Variants in ADAMTS5 observed in about 807,000 individuals in gnomAD.
ADAMTS5 encodes the protein ADAM metallopeptidase with thrombospondin type 1 motif 5.
Under a neutral mutation model 81.4 loss-of-function variants are expected in ADAMTS5, and 54 were observed. The ratio of observed to expected loss-of-function variants is 0.66; its 90% confidence interval spans 0.53 to 0.83. The LOEUF is 0.83. Ranked by LOEUF, ADAMTS5 falls within the 40% of genes least tolerant of loss-of-function variation. The pLI is 0.00. For synonymous variants in ADAMTS5, 532 were observed against 508.8 expected (o/e 1.05, Z -0.61); for missense variants, 1,194 against 1,229.9 (o/e 0.97, Z 0.44).
At position 26,966,124 on chromosome 21, in the gene ADAMTS5, G is replaced by A. The variant is rs778906997; in HGVS notation, c.268C>T (p.Leu90Phe). 1.2e-6 allele frequency: 2 copies of A among 1,612,636 alleles called. No individual in the cohort carries two copies. Among genetic ancestry groups the A allele is most frequent in the South Asian group, 1.1e-5 (1 of 91,080 alleles). ...LYSGGGKVGYLVYAGGRRFLL... is the reference protein window; with the variant it reads ...LYSGGGKVGYFVYAGGRRFLL... Reference sequence around the variant, plus strand: ...AACCTCCGGCCGCCCGCGTAGACGAGGTAGCCCACCTTGCCGCCGCCGGAG... The same window carrying A: ...AACCTCCGGCCGCCCGCGTAGACGAAGTAGCCCACCTTGCCGCCGCCGGAG... Residue 90 changes from leucine to phenylalanine, a missense_variant, in exon 1 of 8, where the codon CTC becomes TTC. By Grantham distance (22) the Leu-to-Phe change is conservative (BLOSUM62 0). Transcript: ENST00000284987.
At chr21:26,933,934 C>T (rs969065568) in intron 4 of ADAMTS5, among the ~76,000 whole-genome samples, 1 of 152,150 alleles carries the variant, frequency 6.6e-6, no homozygotes, top group Non-Finnish European at 1.5e-5. Flanking sequence ...AGGGCAGTTG[C>T]TGACCTGAAG....
intron 7 of ADAMTS5, among the ~76,000 whole-genome samples, chr21:26,927,019 T>C (rs1199163269): frequency 6.6e-6 from 1 of 152,154 alleles, no homozygotes; most frequent in Non-Finnish European, 1.5e-5. Context: ...TAGTAAGAGA[T>C]GATTCTCTTG....
chr21:26,930,633 G>T (rs1252813229), intron 6 of ADAMTS5, among the ~76,000 whole-genome samples: 1 of 152,178 alleles, frequency 6.6e-6, no homozygotes, highest in African/African-American at 2.4e-5. Context: ...CTTACTGGAA[G>T]AGACTGAATA....
rs975157450 is a variant in ADAMTS5, at chr21:26,954,880, GAGAA to G, written c.1105-13_1105-10del. ...TGATGCCCACATAAATCCTGCCCAG[GAGAA>G]AGAAAGAAATCATTAAAATCAATTT... On this transcript the variant is annotated splice_polypyrimidine_tract_variant and intron_variant, in intron 1 of 7. Transcript: ENST00000284987. 1.9e-6 allele frequency: 3 copies of G among 1,612,980 alleles called. No individual in the cohort carries two copies. The highest frequency in any genetic ancestry group is 2.5e-6 in the Non-Finnish European group (3 of 1,179,736).
At position 26,966,210 on chromosome 21, in the gene ADAMTS5, G is replaced by A; in HGVS notation, c.182C>T (p.Pro61Leu). The A allele has an allele frequency of 8.8e-6, 14 of 1,597,490 alleles. No homozygotes were observed. The highest frequency in any genetic ancestry group is 1.2e-5 in the Non-Finnish European group (14 of 1,172,706). ...CCTGCGCCGCTGCGCCAGGGGGTGCGGGTGGCCGGGAGGCTCGGCTCGCTC... is the reference window on the plus strand; with the variant it reads ...CCTGCGCCGCTGCGCCAGGGGGTGCAGGTGGCCGGGAGGCTCGGCTCGCTC... ...VQERAEPPGHPHPLAQRRRSK... is the reference protein window; with the variant it reads ...VQERAEPPGHLHPLAQRRRSK... The change falls in exon 1 of 8, where the codon CCG (proline) becomes CTG (leucine). Residue 61 changes from proline (P) to leucine (L), a missense_variant. Coordinates refer to ENST00000284987, the MANE Select transcript of ADAMTS5 (RefSeq NM_007038.5).
In ADAMTS5 at chr21:26,918,174, G is replaced by A. The variant is rs921017666; in HGVS notation, c.*5879C>T. 1.3e-5 allele frequency: 2 copies of A among 152,414 alleles called. No homozygotes were observed. Among genetic ancestry groups the A allele is most frequent in the African/African-American group, 4.8e-5 (2 of 41,440 alleles). 9.4% of individuals were successfully genotyped at this position (152,414 alleles called of 1,614,324 possible). On this transcript the variant is annotated 3_prime_UTR_variant, in exon 8 of 8. Coordinates refer to ENST00000284987, the MANE Select transcript of ADAMTS5 (RefSeq NM_007038.5). Reference sequence around the variant, plus strand: ...AAGATTTGAAGGTTGCCAAAGCTGAGAGACATTTTAAACAAGACCCGTCTT... The same window carrying A: ...AAGATTTGAAGGTTGCCAAAGCTGAAAGACATTTTAAACAAGACCCGTCTT...
chr21:26,962,716 C>T (rs538533052), intron 1 of ADAMTS5, among the ~76,000 whole-genome samples: 1 of 152,178 alleles, frequency 6.6e-6, no homozygotes. Flanking sequence ...TTCTTACATT[C>T]AAAACAGAGT....
chr21:26,941,955 A>T (rs1002534731), intron 3 of ADAMTS5, among the ~76,000 whole-genome samples: 1 of 152,124 alleles, frequency 6.6e-6, no homozygotes, highest in African/African-American at 2.4e-5. Flanking sequence ...TACTGGTCTA[A>T]GGAAAAAGCT....
At position 26,923,950 on chromosome 21, in the gene ADAMTS5, C is replaced by T; in HGVS notation, c.*103G>A. 3 of 1,246,672 alleles carry T rather than the reference C, an allele frequency of 2.4e-6. No homozygotes were observed. The highest frequency in any genetic ancestry group is 3.3e-6 in the Non-Finnish European group (3 of 917,368). 77.2% of individuals were successfully genotyped at this position (1,246,672 alleles called of 1,614,324 possible). On this transcript the variant is annotated 3_prime_UTR_variant, in exon 8 of 8. Coordinates refer to ENST00000284987, the MANE Select transcript of ADAMTS5 (RefSeq NM_007038.5). Reference sequence around the variant, plus strand: ...AATTGGACTCCTGTTGACAATGTCACTGAAGCATGACTTTCTGTGCGTTAG... The same window carrying T: ...AATTGGACTCCTGTTGACAATGTCATTGAAGCATGACTTTCTGTGCGTTAG...
intron 3 of ADAMTS5, among the ~76,000 whole-genome samples, chr21:26,942,522 T>G (rs2123185517): frequency 6.6e-6 from 1 of 152,290 alleles, no homozygotes; most frequent in Admixed American, 6.5e-5. Context: ...AAATTTCAGC[T>G]ACATAATGTC....
Position 26,919,307 on chromosome 21 carries a change from C to T in ADAMTS5, c.*4746G>A, listed in dbSNP as rs972523937. The T allele has an allele frequency of 6.6e-6, 1 of 150,780 alleles. No homozygotes were observed. Among genetic ancestry groups the T allele is most frequent in the African/African-American group, 2.4e-5 (1 of 41,000 alleles). 9.3% of individuals were successfully genotyped at this position (150,780 alleles called of 1,614,324 possible). A position where few individuals can be genotyped will look rare whatever the true frequency, so the allele number is the denominator to read the frequency against. ...GTCACTCTGATGTAGCAGTACCTTACAGGATGAGGGGCCACTGCTCGTTTT... is the reference window on the plus strand; with the variant it reads ...GTCACTCTGATGTAGCAGTACCTTATAGGATGAGGGGCCACTGCTCGTTTT... On this transcript the variant is annotated 3_prime_UTR_variant, in exon 8 of 8. Transcript: ENST00000284987.
intron 1 of ADAMTS5, among the ~76,000 whole-genome samples, chr21:26,956,877 A>G (rs909484229): frequency 3.9e-5 from 6 of 152,202 alleles, no homozygotes; most frequent in African/African-American, 1.4e-4. Flanking sequence ...AGAGGCCATC[A>G]ACCCTCCTTG....
intron 7 of ADAMTS5, among the ~76,000 whole-genome samples, chr21:26,929,248 A>G (rs1354100576): frequency 6.6e-6 from 1 of 152,208 alleles, no homozygotes. Context: ...GCAAGCCTGT[A>G]TTTTACCAGA....
intron 6 of ADAMTS5, 148 bp from the exon 7 acceptor site, chr21:26,930,209 T>C: frequency 1.3e-6 from 1 of 769,992 alleles, no homozygotes. Flanking sequence ...AAAACATAGT[T>C]TCCAGAAGTA....
chr21:26,962,830 A>C (rs1987554051), intron 1 of ADAMTS5, among the ~76,000 whole-genome samples: 1 of 151,922 alleles, frequency 6.6e-6, no homozygotes. Flanking sequence ...TTTTCATGAG[A>C]TGGAAGACCT....
intron 6 of ADAMTS5, among the ~76,000 whole-genome samples, chr21:26,931,554 T>C (rs1986906798): frequency 6.6e-6 from 1 of 152,172 alleles, no homozygotes; most frequent in African/African-American, 2.4e-5. Flanking sequence ...CTTGACTTAT[T>C]CAAAAGCCTG....
chr21:26,957,447 TGATAGATAGATAGATA>T lies in ADAMTS5; in HGVS notation c.1105-2592_1105-2577del, dbSNP rs3838079. ...GTGTGTCTATAGATAGATGGATAGA[TGATAGATAGATAGATA>T]GATAGATAGATAGATATAATCTAGA... On this transcript the variant is annotated intron_variant, in intron 1 of 7. Coordinates refer to ENST00000284987, the MANE Select transcript of ADAMTS5 (RefSeq NM_007038.5). Among the ~76,000 whole-genome samples, 7 of 150,508 alleles carry T rather than the reference TGATAGATAGATAGATA, an allele frequency of 4.7e-5. No individual in the cohort carries two copies. The South Asian group carries it at 1.3e-3, about 27-fold the overall frequency.
intron 2 of ADAMTS5, among the ~76,000 whole-genome samples, chr21:26,948,169 A>G (rs1987251195): frequency 6.6e-6 from 1 of 152,242 alleles, no homozygotes; most frequent in African/African-American, 2.4e-5. Flanking sequence ...AGATGAAGAC[A>G]CATCACTTTA....
intron 7 of ADAMTS5, among the ~76,000 whole-genome samples, chr21:26,925,475 C>G (rs1224917388): frequency 6.6e-6 from 1 of 151,814 alleles, no homozygotes; most frequent in Non-Finnish European, 1.5e-5. Context: ...ATCATCTGGA[C>G]AAAAAAATGG....
Sources: allele counts gnomAD v4.1 joint callset (sites outside exome capture counted in the v4.1 genomes callset), GRCh38; gene constraint gnomAD v4.1.1; transcripts MANE v1.5; gene names NCBI Gene and HGNC (gene_info 2026-07-23, HGNC 2026-07-21).